The following RYR3 variants were observed in gnomAD, a reference collection of about 807,000 sequenced individuals.
The protein encoded by RYR3 is brain ryanodine receptor-calcium release channel.
RYR3 carries 207 observed loss-of-function variants against 584.3 expected under a neutral mutation model. The ratio of observed to expected loss-of-function variants is 0.35; its 90% CI spans 0.32 to 0.40. The LOEUF is 0.40. Among genes scored for constraint, RYR3 ranks in the 10% least tolerant of loss-of-function variants. The pLI is 1.00. For missense variants in RYR3, 5,616 were observed against 6,089.2 expected, an observed-to-expected ratio of 0.92 and a Z score of 2.59; for synonymous variants, 2,416 against 2,248.5, an observed-to-expected ratio of 1.07 and a Z score of -2.11.
intron 38 of RYR3, among the ~76,000 whole-genome samples, chr15:33,677,996 C>T (rs113311562): frequency 6.6e-6 from 1 of 152,134 alleles, no homozygotes; most frequent in Non-Finnish European, 1.5e-5. Flanking sequence ...TCAATTGAAG[C>T]GTTGCTTTGC....
Position 33,780,284 on chromosome 15 carries a change from C to T in RYR3, c.9211C>T (p.Leu3071Phe). The T allele has an allele frequency of 6.2e-7, 1 of 1,613,920 alleles. No homozygotes were observed. Among genetic ancestry groups the T allele is most frequent in the Non-Finnish European group, 8.5e-7 (1 of 1,179,836 alleles). The change falls in exon 65 of 104, where the codon CTT becomes TTT. Residue 3071 changes from leucine to phenylalanine, a missense_variant. Physicochemically the swap from Leu to Phe is conservative, Grantham distance 22. Around this residue, in one of 9 missense-constraint regions of RYR3, gnomAD observed 954 missense variants for 1,132.2 expected, o/e 0.84. Coordinates refer to ENST00000634891, the MANE Select transcript of RYR3 (RefSeq NM_001036.6). ...AIPVAFLEPT[L>F]NRYNPLSVFN... Reference sequence around the variant, plus strand: ...ACCAGTGGCATTCCTGGAGCCCACCCTTAATCGCTACAATCCACTCTCGGT... The same window carrying T: ...ACCAGTGGCATTCCTGGAGCCCACCTTTAATCGCTACAATCCACTCTCGGT...
At chr15:33,494,661 G>A (rs2596176) in intron 2 of RYR3, among the ~76,000 whole-genome samples, 107,937 of 151,792 alleles carry the variant, frequency 0.71, 38,806 homozygotes, top group African/African-American at 0.82. Flanking sequence ...CCACCTCCCA[G>A]AAAAAAGAAT....
Position 33,347,992 on chromosome 15 carries a change from T to C in RYR3, c.51+36896T>C, listed in dbSNP as rs139261505. ...TTAACTGACAGAGCAAAGAAAGATATGTATGTATATTAAGAGTAGTATATA... is the reference window on the plus strand; with the variant it reads ...TTAACTGACAGAGCAAAGAAAGATACGTATGTATATTAAGAGTAGTATATA... On this transcript the variant is annotated intron_variant, in intron 1 of 103. Transcript: ENST00000634891. Among the ~76,000 whole-genome samples, 922 of 152,232 alleles carry C rather than the reference T, an allele frequency of 6.1e-3. 9 individuals carry two copies. The highest frequency in any genetic ancestry group is 0.021 in the African/African-American group (881 of 41,522).
intron 38 of RYR3, among the ~76,000 whole-genome samples, chr15:33,682,683 A>G (rs2064712225): frequency 6.6e-6 from 1 of 152,180 alleles, no homozygotes; most frequent in African/African-American, 2.4e-5. Flanking sequence ...GCCTGGCAAC[A>G]TATTTTTCTT....
At chr15:33,349,742 C>G (rs1365502291) in intron 1 of RYR3, among the ~76,000 whole-genome samples, 10 of 105,304 alleles carry the variant, frequency 9.5e-5, no homozygotes, top group Middle Eastern at 5.7e-3. Context: ...TATCCCTCCC[C>G]CCTCCCCCCA....
intron 27 of RYR3, among the ~76,000 whole-genome samples, chr15:33,637,597 A>C (rs1406042706): frequency 6.6e-6 from 1 of 152,186 alleles, no homozygotes; most frequent in Non-Finnish European, 1.5e-5. Context: ...CATTTCTGAG[A>C]CTTTACAGAA....
chr15:33,623,713 G>T, intron 19 of RYR3, 94 bp from the exon 20 acceptor site: 1 of 858,550 alleles, frequency 1.2e-6, no homozygotes, highest in East Asian at 2.5e-5. Context: ...ATTATGTTGA[G>T]GGTGGGAGGT....
intron 10 of RYR3, among the ~76,000 whole-genome samples, chr15:33,554,477 TA>T (rs1010982598): frequency 7.2e-5 from 11 of 152,062 alleles, no homozygotes; most frequent in Non-Finnish European, 1.2e-4. Flanking sequence ...TTTGTATTTT[TA>T]GTAGAGACGG....
intron 43 of RYR3, 23 bp downstream of exon 43, chr15:33,707,077 C>T: frequency 6.2e-7 from 1 of 1,613,118 alleles, no homozygotes; most frequent in Non-Finnish European, 8.5e-7. Flanking sequence ...TTTTTCCATA[C>T]CTCTTATACC....
chr15:33,394,384 T>C (rs1567155212), intron 1 of RYR3, among the ~76,000 whole-genome samples: 1 of 152,204 alleles, frequency 6.6e-6, no homozygotes, highest in Admixed American at 6.5e-5. Flanking sequence ...TCGGAGTATG[T>C]AGTAATCTGA....
At chr15:33,770,356 GT>G (rs560080518) in intron 62 of RYR3, among the ~76,000 whole-genome samples, 3 of 152,192 alleles carry the variant, frequency 2.0e-5, no homozygotes, top group Non-Finnish European at 4.4e-5. Context: ...AGAGAGTCCA[GT>G]TTTTTGTTTG....
chr15:33,696,831 G>C (rs375731166), intron 39 of RYR3, among the ~76,000 whole-genome samples: 1 of 152,140 alleles, frequency 6.6e-6, no homozygotes, highest in South Asian at 2.1e-4. Context: ...CTTTTGACTC[G>C]AAATCTTCCG....
intron 19 of RYR3, among the ~76,000 whole-genome samples, chr15:33,617,625 A>C (rs58822275): frequency 0.029 from 4,393 of 152,206 alleles, 187 homozygotes; most frequent in African/African-American, 0.094. Flanking sequence ...GTTAGACTTG[A>C]GTTCTCTTTC....
chr15:33,461,957 C>A (rs1316553600), intron 1 of RYR3, among the ~76,000 whole-genome samples: 1 of 152,096 alleles, frequency 6.6e-6, no homozygotes, highest in East Asian at 1.9e-4. Flanking sequence ...ACAAATATTT[C>A]CTGAATGAAT....
At position 33,543,680 on chromosome 15, in the gene RYR3, G is replaced by A. The variant is rs368203752; in HGVS notation, c.705G>A (p.Thr235=). The change falls in exon 8 of 104, where the codon ACG becomes ACA. Residue 235 remains threonine (T), a synonymous_variant. Coordinates refer to ENST00000634891, the MANE Select transcript of RYR3 (RefSeq NM_001036.6). ...TCCATGGTCATGATGAATGTTTGAC[G>A]ATACCATCTACAGACCAGAATGATT... ...RLFHGHDECL[T]IPSTDQNDSQ... 2.7e-5 allele frequency: 43 copies of A among 1,612,740 alleles called. No homozygotes were observed. Among genetic ancestry groups the A allele is most frequent in the Middle Eastern group, 3.3e-4 (2 of 6,054 alleles).
At chr15:33,859,454 G>T in intron 99 of RYR3, 121 bp from the exon 100 acceptor site, 2 of 1,020,024 alleles carry the variant, frequency 2.0e-6, no homozygotes, top group Non-Finnish European at 3.0e-6. Flanking sequence ...CACCTCTGAA[G>T]AGTTCCCCTC....
At chr15:33,794,682 C>G (rs977572624) in intron 67 of RYR3, among the ~76,000 whole-genome samples, 4 of 152,046 alleles carry the variant, frequency 2.6e-5, no homozygotes, top group African/African-American at 9.7e-5. Context: ...TCATTCATCC[C>G]CACTTTTCAA....
chr15:33,802,685 C>G lies in RYR3; in HGVS notation c.10011+724C>G, dbSNP rs140502780. 2.3e-3 allele frequency among the ~76,000 whole-genome samples: 345 copies of G among 152,286 alleles called. 3 individuals carry two copies. The highest frequency in any genetic ancestry group is 7.8e-3 in the African/African-American group (324 of 41,550). ...TCTCAGACGTACTCCTTCAAGTGTACATACAAAAGCAAAGCCTACTTAAAT... is the reference window on the plus strand; with the variant it reads ...TCTCAGACGTACTCCTTCAAGTGTAGATACAAAAGCAAAGCCTACTTAAAT... On this transcript the variant is annotated intron_variant, in intron 69 of 103. Transcript: ENST00000634891.
At chr15:33,698,870 AG>A (rs1234404004) in intron 40 of RYR3, among the ~76,000 whole-genome samples, 2 of 152,176 alleles carry the variant, frequency 1.3e-5, no homozygotes, top group African/African-American at 2.4e-5. Flanking sequence ...GAGGAAATCA[AG>A]GTTGTCTTAG....
Sources: allele counts gnomAD v4.1 joint callset (sites outside exome capture counted in the v4.1 genomes callset), GRCh38; gene constraint gnomAD v4.1.1; regional missense constraint gnomAD v4.1.1; transcripts MANE v1.5; gene names NCBI Gene and HGNC (gene_info 2026-07-23, HGNC 2026-07-21).